The following CDH18 variants were observed in gnomAD, a reference collection of about 807,000 sequenced individuals.
The protein encoded by CDH18 is cadherin 18.
CDH18 carries 31 observed loss-of-function variants against 67.9 expected under a neutral mutation model. That is an observed-to-expected ratio of 0.46 (90% confidence interval 0.34 to 0.62). The LOEUF (loss-of-function observed/expected upper bound fraction) is 0.62. CDH18 is among the 20% of genes least tolerant of loss of function. CDH18 has a pLI of 0.01. For synonymous variants in CDH18, 362 were observed against 347.2 expected, an observed-to-expected ratio of 1.04 and a Z score of -0.48; for missense variants, 890 against 975.5, an observed-to-expected ratio of 0.91 and a Z score of 1.17.
intron 2 of CDH18, among the ~76,000 whole-genome samples, chr5:20,250,396 G>A (rs1267253665): frequency 4.0e-5 from 6 of 151,526 alleles, no homozygotes; most frequent in African/African-American, 1.2e-4. Flanking sequence ...GGATTCAATC[G>A]ATTCTCCTGC....
intron 6 of CDH18, among the ~76,000 whole-genome samples, chr5:19,610,858 G>A (rs1748834759): frequency 6.6e-6 from 1 of 152,012 alleles, no homozygotes; most frequent in South Asian, 2.1e-4. Context: ...ATATTTTATG[G>A]CTCAATAAAA....
At chr5:20,309,566 T>C (rs1480721300) in intron 1 of CDH18, among the ~76,000 whole-genome samples, 1 of 152,236 alleles carries the variant, frequency 6.6e-6, no homozygotes. Context: ...TATCAGATGA[T>C]AACTGAAGAC....
chr5:20,255,469 GGT>G (rs1744161711), exon 2 of CDH18: 1 of 151,960 alleles, frequency 6.6e-6, no homozygotes, highest in East Asian at 1.9e-4. Context: ...AGGAATGTTT[GGT>G]GTGTGTTCTT....
intron 2 of CDH18, among the ~76,000 whole-genome samples, chr5:19,976,845 C>T (rs766644659): frequency 2.0e-5 from 3 of 151,940 alleles, no homozygotes; most frequent in Non-Finnish European, 4.4e-5. Context: ...AAGACAAGAA[C>T]GCATCAGATT....
chr5:20,397,134 G>A (rs550565317), intron 1 of CDH18, among the ~76,000 whole-genome samples: 1 of 151,986 alleles, frequency 6.6e-6, no homozygotes, highest in South Asian at 2.1e-4. Flanking sequence ...GTTTTTTGTG[G>A]TGTTTGTTTG....
At chr5:19,618,816 T>C (rs1483709780) in intron 5 of CDH18, among the ~76,000 whole-genome samples, 2 of 152,248 alleles carry the variant, frequency 1.3e-5, no homozygotes, top group East Asian at 3.9e-4. Flanking sequence ...AAGGTTCTCA[T>C]ATTTCATTGG....
At chr5:19,595,452 C>A (rs1746023470) in intron 6 of CDH18, among the ~76,000 whole-genome samples, 1 of 152,096 alleles carries the variant, frequency 6.6e-6, no homozygotes, top group Admixed American at 6.5e-5. Flanking sequence ...GGTGAAATCC[C>A]ATCCCTACCA....
At chr5:19,616,379 T>C (rs1162991450) in intron 5 of CDH18, among the ~76,000 whole-genome samples, 1 of 151,948 alleles carries the variant, frequency 6.6e-6, no homozygotes, top group African/African-American at 2.4e-5. Context: ...AGAATGATCG[T>C]TTTAATTAAA....
chr5:20,253,750 C>CA (rs1203948642), intron 2 of CDH18, among the ~76,000 whole-genome samples: 1 of 152,094 alleles, frequency 6.6e-6, no homozygotes, highest in Non-Finnish European at 1.5e-5. Context: ...TGGGATTATA[C>CA]AAAGAGAACA....
At chr5:19,721,643 T>C (rs1766119174) in intron 4 of CDH18, among the ~76,000 whole-genome samples, 177 bp from the exon 5 acceptor site, 1 of 152,226 alleles carries the variant, frequency 6.6e-6, no homozygotes, top group Admixed American at 6.5e-5. Flanking sequence ...TGTCATCGAC[T>C]GTAATGAAAG....
chr5:20,301,789 C>CTTTTTTTTTTTTTTTTTTT (rs59276117), intron 1 of CDH18, among the ~76,000 whole-genome samples: 1 of 128,154 alleles, frequency 7.8e-6, no homozygotes, highest in Non-Finnish European at 1.6e-5. Context: ...TTTCTTTTTT[C>CTTTTTTTTTTTTTTTTTTT]TTTTTTTTTT....
At chr5:20,043,682 T>C (rs551517861) in intron 2 of CDH18, among the ~76,000 whole-genome samples, 2 of 152,302 alleles carry the variant, frequency 1.3e-5, no homozygotes, top group South Asian at 2.1e-4. Flanking sequence ...CATTTGCCTA[T>C]AAAGCAATTG....
chr5:19,719,419 G>T (rs2150568611), intron 5 of CDH18, among the ~76,000 whole-genome samples: 1 of 152,020 alleles, frequency 6.6e-6, no homozygotes, highest in East Asian at 1.9e-4. Context: ...GTATTTTAAG[G>T]TAGGAATTTA....
chr5:19,930,921 G>C (rs1793620639), intron 2 of CDH18, among the ~76,000 whole-genome samples: 1 of 151,948 alleles, frequency 6.6e-6, no homozygotes, highest in Admixed American at 6.6e-5. Context: ...ACAGAATTAA[G>C]AATTATAAGT....
At chr5:20,010,788 T>C (rs1737370421) in intron 2 of CDH18, among the ~76,000 whole-genome samples, 1 of 152,142 alleles carries the variant, frequency 6.6e-6, no homozygotes, top group Non-Finnish European at 1.5e-5. Flanking sequence ...CCTTTGTTTT[T>C]TACTGAGTAC....
At chr5:20,015,717 A>G (rs1277152341) in intron 2 of CDH18, among the ~76,000 whole-genome samples, 1 of 152,128 alleles carries the variant, frequency 6.6e-6, no homozygotes, top group East Asian at 1.9e-4. Flanking sequence ...GCTGCCATGG[A>G]TTACTGAATG....
intron 2 of CDH18, among the ~76,000 whole-genome samples, chr5:19,878,862 C>A (rs1239786517): frequency 6.6e-6 from 1 of 151,890 alleles, no homozygotes; most frequent in Non-Finnish European, 1.5e-5. Flanking sequence ...ATTTAAATTT[C>A]AATTTTTAAA....
chr5:20,141,843 G>T (rs762660982), intron 2 of CDH18, among the ~76,000 whole-genome samples: 1 of 151,774 alleles, frequency 6.6e-6, no homozygotes, highest in Non-Finnish European at 1.5e-5. Context: ...TTAACTGAAG[G>T]GGAGTTTTAT....
At chr5:19,687,993 C>T (rs796537289) in intron 5 of CDH18, among the ~76,000 whole-genome samples, 2 of 152,256 alleles carry the variant, frequency 1.3e-5, no homozygotes, top group South Asian at 2.1e-4. Context: ...CTGGGAATCA[C>T]CGTGCCCCAT....
Sources: allele counts gnomAD v4.1 joint callset (sites outside exome capture counted in the v4.1 genomes callset), GRCh38; gene constraint gnomAD v4.1.1; transcripts MANE v1.5; gene names NCBI Gene and HGNC (gene_info 2026-07-23, HGNC 2026-07-21).